SLC13A3: variants seen among roughly 807,000 people sequenced by gnomAD.
SLC13A3 encodes the protein solute carrier family 13 member 3.
In SLC13A3, 40 loss-of-function variants were observed where a neutral mutation model predicts 59.0. The observed-to-expected ratio is 0.68, with a 90% confidence interval of 0.53 to 0.88. SLC13A3 has a LOEUF of 0.88. Ranked by LOEUF, SLC13A3 falls within the 40% of genes least tolerant of loss-of-function variation. SLC13A3 has a pLI of 0.00. For missense variants in SLC13A3, 699 were observed against 783.2 expected, an observed-to-expected ratio of 0.89 and a Z score of 1.28; for synonymous variants, 317 against 330.3, an observed-to-expected ratio of 0.96 and a Z score of 0.44.
chr20:46,683,792 G>C (rs1159592853), intron 1 of SLC13A3, among the ~76,000 whole-genome samples: 1 of 152,138 alleles, frequency 6.6e-6, no homozygotes, highest in Non-Finnish European at 1.5e-5. Context: ...CGCGTTCCCT[G>C]CCTCAGTGGC....
At chr20:46,583,981 T>C (rs863675) in intron 8 of SLC13A3, 60,011 of 985,138 alleles carry the variant, frequency 0.061, 6,737 homozygotes, top group African/African-American at 0.45. Context: ...TTGGAGTCCT[T>C]GGAACCCCTA....
chr20:46,612,881 C>G (rs1277675423), intron 2 of SLC13A3, among the ~76,000 whole-genome samples: 1 of 152,206 alleles, frequency 6.6e-6, no homozygotes, highest in Non-Finnish European at 1.5e-5. Flanking sequence ...CATCTTCCCA[C>G]ATCCTCTGCA....
chr20:46,562,912 T>C (rs1003424121), intron 12 of SLC13A3, among the ~76,000 whole-genome samples: 5 of 152,058 alleles, frequency 3.3e-5, no homozygotes, highest in Non-Finnish European at 7.4e-5. Flanking sequence ...GCAAAGCCAG[T>C]GGAGAGGGAA....
chr20:46,645,345 G>C (rs1362322317), intron 1 of SLC13A3, among the ~76,000 whole-genome samples: 3 of 152,208 alleles, frequency 2.0e-5, no homozygotes, highest in African/African-American at 7.2e-5. Context: ...TGGTTCAGGG[G>C]ATTAGGACAC....
At chr20:46,581,148 G>A (rs2062132583) in intron 9 of SLC13A3, among the ~76,000 whole-genome samples, 1 of 152,188 alleles carries the variant, frequency 6.6e-6, no homozygotes, top group African/African-American at 2.4e-5. Context: ...ATTCCTTCCT[G>A]GGTGAAGAAG....
chr20:46,598,033 A>G (rs1568928535), intron 4 of SLC13A3, among the ~76,000 whole-genome samples: 1 of 152,222 alleles, frequency 6.6e-6, no homozygotes, highest in African/African-American at 2.4e-5. Flanking sequence ...TTATACTTCA[A>G]TGAATCTGAA....
chr20:46,631,002 T>C (rs2062730760), intron 1 of SLC13A3, among the ~76,000 whole-genome samples: 1 of 152,220 alleles, frequency 6.6e-6, no homozygotes, highest in South Asian at 2.1e-4. Flanking sequence ...TGATATATTG[T>C]TATGTTGTAT....
chr20:46,668,148 TGAAA>T (rs2063071654), intron 1 of SLC13A3, among the ~76,000 whole-genome samples: 1 of 152,150 alleles, frequency 6.6e-6, no homozygotes, highest in Non-Finnish European at 1.5e-5. Flanking sequence ...AGTATTCAAG[TGAAA>T]GAAAGAGTCA....
At chr20:46,670,582 G>C (rs544341869), upstream of SLC13A3, among the ~76,000 whole-genome samples, 2 of 152,256 alleles carry the variant, frequency 1.3e-5, no homozygotes, top group South Asian at 4.1e-4. Context: ...AAGAAGCATG[G>C]ACTAGACTAC....
At chr20:46,614,207 G>C (rs1353664143) in intron 1 of SLC13A3, among the ~76,000 whole-genome samples, 2 of 152,108 alleles carry the variant, frequency 1.3e-5, no homozygotes, top group Non-Finnish European at 2.9e-5. Flanking sequence ...CCATGCTTCA[G>C]TGTATGTCCC....
chr20:46,582,753 T>C (rs2062150996), intron 9 of SLC13A3: 9 of 985,230 alleles, frequency 9.1e-6, no homozygotes, highest in Non-Finnish European at 1.1e-5. Context: ...TTCTCAACAA[T>C]AGAAAATAGT....
intron 1 of SLC13A3, among the ~76,000 whole-genome samples, chr20:46,667,072 C>T (rs998103708): frequency 6.6e-6 from 1 of 152,128 alleles, no homozygotes; most frequent in Non-Finnish European, 1.5e-5. Context: ...CTATAAACAC[C>T]GAGGGCAAGT....
chr20:46,640,681 G>A (rs548731131), intron 1 of SLC13A3, among the ~76,000 whole-genome samples: 10 of 152,298 alleles, frequency 6.6e-5, no homozygotes, highest in Admixed American at 1.3e-4. Flanking sequence ...GAAGTGGTGT[G>A]ACCTCATGTG....
At chr20:46,577,402 A>G (rs138248711) in intron 9 of SLC13A3, among the ~76,000 whole-genome samples, 235 of 152,316 alleles carry the variant, frequency 1.5e-3, no homozygotes, top group African/African-American at 5.1e-3. Context: ...CCAGAACTGG[A>G]TGAGGTAACC....
chr20:46,634,505 C>T (rs1010939278), intron 1 of SLC13A3, among the ~76,000 whole-genome samples: 3 of 152,176 alleles, frequency 2.0e-5, no homozygotes, highest in Non-Finnish European at 4.4e-5. Flanking sequence ...GCAAACCTGC[C>T]CCAGGAGATG....
At chr20:46,673,598 C>T (rs139580663), upstream of SLC13A3, 1 of 152,450 alleles carries the variant, frequency 6.6e-6, no homozygotes, top group East Asian at 1.9e-4. Context: ...ATGTCACCTC[C>T]TCAGAGGGTC....
chr20:46,656,663 C>T (rs1012041685), intron 1 of SLC13A3, among the ~76,000 whole-genome samples: 1 of 149,722 alleles, frequency 6.7e-6, no homozygotes, highest in Admixed American at 6.7e-5. Context: ...ATATATATAG[C>T]CAAATTTGGG....
At chr20:46,597,000 C>A (rs539690397) in intron 4 of SLC13A3, among the ~76,000 whole-genome samples, 1 of 152,248 alleles carries the variant, frequency 6.6e-6, no homozygotes, top group South Asian at 2.1e-4. Flanking sequence ...CTGTAGTGAA[C>A]TTTGATTGCC....
rs75985478 is a variant in SLC13A3, at chr20:46,567,440, C to T, written c.1333-1050G>A. On this transcript the variant is annotated intron_variant, in intron 10 of 12. Transcript: ENST00000279027. ...CTTCAGCCTGAAAAAGTTTTTGTGACTTGCCCAGGATCCCTAAAAGTAGTG... is the reference window on the plus strand; with the variant it reads ...CTTCAGCCTGAAAAAGTTTTTGTGATTTGCCCAGGATCCCTAAAAGTAGTG... Among the ~76,000 whole-genome samples, 653 of 152,228 alleles carry T rather than the reference C, an allele frequency of 4.3e-3. 7 individuals are homozygous for T. Among genetic ancestry groups the T allele is most frequent in the African/African-American group, 0.015 (633 of 41,540 alleles).
Sources: allele counts gnomAD v4.1 joint callset (sites outside exome capture counted in the v4.1 genomes callset), GRCh38; gene constraint gnomAD v4.1.1; transcripts MANE v1.5; gene names NCBI Gene and HGNC (gene_info 2026-07-23, HGNC 2026-07-21).